PDE4D: variants seen among roughly 807,000 people sequenced by gnomAD.
The protein encoded by PDE4D is 3',5'-cyclic-AMP phosphodiesterase 4D.
PDE4D carries 24 observed loss-of-function variants against 87.4 expected under a neutral mutation model. The ratio of observed to expected loss-of-function variants is 0.27; its 90% confidence interval spans 0.20 to 0.39. PDE4D has a LOEUF of 0.39. Among genes scored for constraint, PDE4D ranks in the 10% least tolerant of loss-of-function variants. The probability of loss-of-function intolerance (pLI) is 1.00; values close to 1 mark genes in which losing one functional copy is unlikely to be tolerated. For missense variants in PDE4D, 714 were observed against 1,041.0 expected, an observed-to-expected ratio of 0.69 and a Z score of 4.32; for synonymous variants, 384 against 383.2, an observed-to-expected ratio of 1.00 and a Z score of -0.02.
At chr5:59,922,491 C>T (rs1360356469) in intron 3 of PDE4D, among the ~76,000 whole-genome samples, 1 of 152,058 alleles carries the variant, frequency 6.6e-6, no homozygotes. Flanking sequence ...AGGCCTTTGT[C>T]TTGCAATTTG....
At chr5:59,569,623 C>T (rs945708793) in intron 1 of PDE4D, among the ~76,000 whole-genome samples, 1 of 152,202 alleles carries the variant, frequency 6.6e-6, no homozygotes, top group African/African-American at 2.4e-5. Flanking sequence ...CATCCAGACT[C>T]ATTCTGGGGC....
intron 1 of PDE4D, among the ~76,000 whole-genome samples, chr5:59,882,933 A>G (rs1258145165): frequency 6.6e-6 from 1 of 152,088 alleles, no homozygotes; most frequent in African/African-American, 2.4e-5. Flanking sequence ...ACGTGTCACC[A>G]TGCCTGGATA....
chr5:59,753,977 A>G (rs903641554), intron 1 of PDE4D, among the ~76,000 whole-genome samples: 1 of 152,272 alleles, frequency 6.6e-6, no homozygotes, highest in African/African-American at 2.4e-5. Context: ...ACTTCAACGC[A>G]TATCATTGTC....
chr5:59,219,772 A>G (rs1257992197), intron 1 of PDE4D, among the ~76,000 whole-genome samples: 3 of 152,306 alleles, frequency 2.0e-5, no homozygotes, highest in African/African-American at 7.2e-5. Context: ...CAATCAGACT[A>G]TGTGATGTAG....
intron 1 of PDE4D, among the ~76,000 whole-genome samples, chr5:59,401,010 T>C (rs998305847): frequency 3.3e-5 from 5 of 152,220 alleles, no homozygotes; most frequent in African/African-American, 9.6e-5. Flanking sequence ...CTAAAACTTT[T>C]TGGTCACTGA....
intron 2 of PDE4D, among the ~76,000 whole-genome samples, chr5:60,181,405 C>T (rs1027782470): frequency 8.5e-5 from 12 of 140,916 alleles, no homozygotes; most frequent in Admixed American, 4.0e-4. Context: ...AACTGACAGC[C>T]TATTTAGGTG....
chr5:59,302,625 G>A (rs1770493184), intron 1 of PDE4D, among the ~76,000 whole-genome samples: 1 of 151,574 alleles, frequency 6.6e-6, no homozygotes, highest in Non-Finnish European at 1.5e-5. Context: ...GAGAACATAT[G>A]ATGTTTGCTT....
chr5:59,441,963 T>C (rs1283547581), intron 1 of PDE4D, among the ~76,000 whole-genome samples: 1 of 152,218 alleles, frequency 6.6e-6, no homozygotes, highest in East Asian at 1.9e-4. Context: ...CACTTAATAG[T>C]ATTTTTATCC....
At chr5:60,281,164 T>C (rs1442866474) in intron 1 of PDE4D, among the ~76,000 whole-genome samples, 1 of 151,572 alleles carries the variant, frequency 6.6e-6, no homozygotes, top group East Asian at 1.9e-4. Flanking sequence ...TTAGATACTT[T>C]CTCCATACAT....
chr5:60,031,607 T>C (rs1472423061), intron 2 of PDE4D, among the ~76,000 whole-genome samples: 23 of 152,186 alleles, frequency 1.5e-4, no homozygotes, highest in Admixed American at 1.5e-3. Context: ...TGAAGAATAA[T>C]ATGTTTACAT....
chr5:59,041,529 G>C (rs936835184), intron 5 of PDE4D, among the ~76,000 whole-genome samples: 1 of 152,150 alleles, frequency 6.6e-6, no homozygotes, highest in Non-Finnish European at 1.5e-5. Context: ...ATGATCATTT[G>C]AGCTGTCCAT....
chr5:59,908,206 T>C (rs949171645), intron 3 of PDE4D, among the ~76,000 whole-genome samples: 2 of 151,990 alleles, frequency 1.3e-5, no homozygotes, highest in African/African-American at 4.8e-5. Context: ...TGAGGCATTA[T>C]GCCTCAAATG....
intron 1 of PDE4D, chr5:59,586,771 T>TC (rs1825208893): frequency 3.0e-6 from 3 of 985,198 alleles, no homozygotes; most frequent in Non-Finnish European, 3.6e-6. Flanking sequence ...AAGAAAGGAG[T>TC]CAAAAGACAG....
chr5:59,974,978 G>A (rs1206099337), intron 3 of PDE4D, among the ~76,000 whole-genome samples: 2 of 152,130 alleles, frequency 1.3e-5, no homozygotes, highest in African/African-American at 4.8e-5. Context: ...TCCCTGTGGT[G>A]GATTCAGGGT....
At chr5:60,311,863 T>C (rs1379839854) in intron 1 of PDE4D, among the ~76,000 whole-genome samples, 1 of 152,160 alleles carries the variant, frequency 6.6e-6, no homozygotes, top group African/African-American at 2.4e-5. Context: ...AGTAAAGGAA[T>C]GAAGAAAATT....
At chr5:60,070,312 G>A (rs1772565596) in intron 2 of PDE4D, among the ~76,000 whole-genome samples, 1 of 152,024 alleles carries the variant, frequency 6.6e-6, no homozygotes, top group South Asian at 2.1e-4. Context: ...TATGACGTTA[G>A]TGATGGGCAT....
intron 5 of PDE4D, among the ~76,000 whole-genome samples, chr5:59,077,668 T>C (rs1162858625): frequency 1.3e-5 from 2 of 151,880 alleles, no homozygotes; most frequent in African/African-American, 4.8e-5. Context: ...TGTCAAGAGC[T>C]CCTAATATTT....
At chr5:60,503,707 G>A (rs959084587) in intron 1 of PDE4D, among the ~76,000 whole-genome samples, 1 of 151,972 alleles carries the variant, frequency 6.6e-6, no homozygotes, top group African/African-American at 2.4e-5. Flanking sequence ...TGTCTTATCT[G>A]GTCTTCTACG....
At chr5:60,272,853 T>C (rs566932134) in intron 1 of PDE4D, among the ~76,000 whole-genome samples, 1 of 152,318 alleles carries the variant, frequency 6.6e-6, no homozygotes, top group South Asian at 2.1e-4. Flanking sequence ...TTAGGTATAC[T>C]TTTTCTAAAT....
Sources: gnomAD v4.1 joint callset for allele counts (sites outside exome capture counted in the v4.1 genomes callset) on GRCh38, gnomAD v4.1.1 for gene constraint, MANE v1.5 for transcripts, NCBI Gene and HGNC (gene_info 2026-07-23, HGNC 2026-07-21) for gene names.